Variants in CFLAR observed in about 807,000 individuals in gnomAD.
CFLAR encodes the protein CASP8 and FADD like apoptosis regulator, also known as CASP8 and FADD-like apoptosis regulator.
CFLAR carries 14 observed loss-of-function variants against 51.1 expected under a neutral mutation model. The observed-to-expected ratio is 0.27, with a 90% CI of 0.18 to 0.43. The LOEUF is 0.43. CFLAR is among the 20% of genes least tolerant of loss of function. CFLAR has a pLI of 1.00. For synonymous variants in CFLAR, 210 were observed against 211.6 expected (o/e 0.99, Z 0.06); for missense variants, 390 against 566.5 (o/e 0.69, Z 3.16).
At chr2:201,151,314 A>G (rs999268023) in intron 8 of CFLAR, 7 of 152,196 alleles carry the variant, frequency 4.6e-5, no homozygotes, top group African/African-American at 1.7e-4. Context: ...ATTCTGTTTA[A>G]TTATTTAGCT....
At chr2:201,132,436 T>A (rs370845553) in intron 2 of CFLAR, among the ~76,000 whole-genome samples, 1,973 of 148,062 alleles carry the variant, frequency 0.013, 18 homozygotes, top group Non-Finnish European at 0.017. Context: ...GAAAAATATA[T>A]ATATATATAT....
intron 4 of CFLAR, chr2:201,136,683 C>CA: frequency 1.1e-6 from 1 of 921,536 alleles, no homozygotes; most frequent in Non-Finnish European, 1.6e-6. Flanking sequence ...ACCATAGCAT[C>CA]ACAGCCTAAA....
At chr2:201,136,504 T>G (rs2050149461) in intron 4 of CFLAR, 2 of 1,571,556 alleles carry the variant, frequency 1.3e-6, no homozygotes, top group South Asian at 2.3e-5. Flanking sequence ...GTCTCATACC[T>G]TCCTTGCATG....
At position 201,167,298 on chromosome 2, in the gene CFLAR, G is replaced by C. The variant is rs1156553041; in HGVS notation, c.*3325G>C. The C allele has an allele frequency of 6.6e-6, 1 of 152,346 alleles. No homozygotes were observed. The highest frequency in any genetic ancestry group is 1.5e-5 in the Non-Finnish European group (1 of 68,334). 9.4% of individuals were successfully genotyped at this position (152,346 alleles called of 1,614,324 possible). On this transcript the variant is annotated 3_prime_UTR_variant, in exon 10 of 10. Coordinates refer to ENST00000309955, the MANE Select transcript of CFLAR (RefSeq NM_003879.7). ...GTGGACTGATCACTTGAGCCCAGGAGTTTGAGACCAGCCTGGGCAACATAG... is the reference window on the plus strand; with the variant it reads ...GTGGACTGATCACTTGAGCCCAGGACTTTGAGACCAGCCTGGGCAACATAG...
At chr2:201,139,961 C>T in intron 4 of CFLAR, 1 of 219,772 alleles carries the variant, frequency 4.6e-6, no homozygotes, top group Non-Finnish European at 9.2e-6. Flanking sequence ...GGCAACCCAC[C>T]CCTTCAGCGC....
At chr2:201,123,529 C>G (rs1354712398) in intron 1 of CFLAR, among the ~76,000 whole-genome samples, 1 of 152,108 alleles carries the variant, frequency 6.6e-6, no homozygotes, top group Non-Finnish European at 1.5e-5. Context: ...AATAAACTCC[C>G]TTTATCAGCC....
chr2:201,148,939 C>T, intron 6 of CFLAR, 64 bp from the exon 7 acceptor site: 2 of 1,038,366 alleles, frequency 1.9e-6, no homozygotes, highest in South Asian at 1.3e-5. Flanking sequence ...GAAACTCAGC[C>T]AGTGTAGGGG....
intron 1 of CFLAR, among the ~76,000 whole-genome samples, chr2:201,119,732 T>G (rs966477124): frequency 2.0e-5 from 3 of 152,094 alleles, no homozygotes; most frequent in Admixed American, 6.6e-5. Flanking sequence ...CTTCAGACAC[T>G]CTTCAGTCAA....
intron 9 of CFLAR, 46 bp downstream of exon 9, chr2:201,160,988 C>T (rs775106613): frequency 2.8e-5 from 40 of 1,417,040 alleles, no homozygotes; most frequent in East Asian, 2.1e-4. Flanking sequence ...TGCTTATTTT[C>T]GTGCCACCAG....
intron 8 of CFLAR, 65 bp from the exon 9 acceptor site, chr2:201,160,367 C>A: frequency 6.6e-7 from 1 of 1,515,922 alleles, no homozygotes; most frequent in Non-Finnish European, 8.9e-7. Flanking sequence ...AGGATTCCTA[C>A]CCAGTCCTCT....
At chr2:201,161,410 A>ATTT (rs71954106) in intron 9 of CFLAR, among the ~76,000 whole-genome samples, 1 of 104,396 alleles carries the variant, frequency 9.6e-6, no homozygotes. Context: ...AAATTTATTT[A>ATTT]TTTTTATTTA....
rs772139952 is a variant in CFLAR, at chr2:201,173,710, C to T, written c.*9737C>T. 7.1e-6 allele frequency: 1 copy of T among 140,882 alleles called. No homozygotes were observed. The highest frequency in any genetic ancestry group is 1.5e-5 in the Non-Finnish European group (1 of 67,790). 8.7% of individuals were successfully genotyped at this position (140,882 alleles called of 1,614,324 possible). A position where few individuals can be genotyped will look rare whatever the true frequency, so the allele number is the denominator to read the frequency against. ...TTTCTGAGATGGAATCTCACTCTGTCGCCCAGGTTGGAGTGCAGTGGTGCA... is the reference window on the plus strand; with the variant it reads ...TTTCTGAGATGGAATCTCACTCTGTTGCCCAGGTTGGAGTGCAGTGGTGCA... On this transcript the variant is annotated 3_prime_UTR_variant, in exon 10 of 10. Transcript: ENST00000309955.
intron 8 of CFLAR, among the ~76,000 whole-genome samples, chr2:201,159,321 T>C (rs1004960465): frequency 6.6e-6 from 1 of 151,804 alleles, no homozygotes; most frequent in African/African-American, 2.4e-5. Context: ...AATTAATTTT[T>C]TTTTTTGAGA....
intron 1 of CFLAR, among the ~76,000 whole-genome samples, chr2:201,121,841 A>ATATC (rs1311513604): frequency 6.6e-6 from 1 of 152,228 alleles, no homozygotes; most frequent in Non-Finnish European, 1.5e-5. Context: ...CATGATTGAT[A>ATATC]GTATGCTATT....
At position 201,164,296 on chromosome 2, in the gene CFLAR, A is replaced by C; in HGVS notation, c.*323A>C. ...ATCTCTTTAAAAAAAAAAAAAAAGG[A>C]CAGGAACTATCTTACTCAATGTATT... is the stretch of plus-strand genomic sequence containing the variant. On this transcript the variant is annotated 3_prime_UTR_variant, in exon 10 of 10. Transcript: ENST00000309955. The C allele has an allele frequency of 5.4e-6, 1 of 185,602 alleles. No individual in the cohort carries two copies. The highest frequency in any genetic ancestry group is 1.1e-5 in the Non-Finnish European group (1 of 88,216). 11.5% of individuals were successfully genotyped at this position (185,602 alleles called of 1,614,324 possible).
chr2:201,116,564 G>C lies in CFLAR; in HGVS notation c.-138+83G>C, dbSNP rs1230855963. 3 of 153,418 alleles carry C rather than the reference G, an allele frequency of 2.0e-5. No homozygotes were observed. The Admixed American group carries it at 2.0e-4, about 10-fold the overall frequency. The allele number at this position is 153,418 out of a possible 1,614,324, so 9.5% of individuals were successfully genotyped here. A position where few individuals can be genotyped will look rare whatever the true frequency, so the allele number is the denominator to read the frequency against. On this transcript the variant is annotated intron_variant, in intron 1 of 9. Transcript: ENST00000309955. The surrounding 1 kb of genome is among the most constrained non-coding windows in gnomAD (Gnocchi z 4.8). The stretch of plus-strand genomic sequence containing the variant: ...AGCCCCGACGCCCGGCCCTGAGTCA[G>C]CATTGCAGCAGGCCCTGCGCCGCCG...
At chr2:201,156,879 T>C (rs1284189891) in intron 8 of CFLAR, among the ~76,000 whole-genome samples, 1 of 152,120 alleles carries the variant, frequency 6.6e-6, no homozygotes, top group Non-Finnish European at 1.5e-5. Flanking sequence ...AGCCCCCAAG[T>C]TTTTCTTCCT....
In CFLAR at chr2:201,149,249, T is replaced by C. The variant is rs576980381; in HGVS notation, c.711+197T>C. The C allele has an allele frequency of 6.2e-6, 3 of 486,324 alleles. No homozygotes were observed. In the South Asian group the frequency reaches 7.6e-5, roughly 12 times the overall value. 30.1% of individuals were successfully genotyped at this position (486,324 alleles called of 1,614,324 possible). ...TAAAGTGGATTGCATTAGTGAACTT[T>C]GGAATGCAGGGAAGTTCCAAAGTAG... On this transcript the variant is annotated intron_variant, in intron 7 of 9. Coordinates refer to ENST00000309955, the MANE Select transcript of CFLAR (RefSeq NM_003879.7).
Position 201,145,442 on chromosome 2 carries a change from C to A in CFLAR, c.661+10C>A. 6.4e-7 allele frequency: 1 copy of A among 1,562,088 alleles called. No individual in the cohort carries two copies. Among genetic ancestry groups the A allele is most frequent in the Non-Finnish European group, 8.8e-7 (1 of 1,135,812 alleles). On this transcript the variant is annotated intron_variant, in intron 6 of 9. Transcript: ENST00000309955. ...CAGCTTGGCGCTCAACGTAAGACCA[C>A]CTTTTTTTAATATTCATTATTTATA...
Sources: gnomAD v4.1 joint callset for allele counts (sites outside exome capture counted in the v4.1 genomes callset) on GRCh38, gnomAD v4.1.1 for gene constraint, Gnocchi (gnomAD v3.1) non-coding constraint, MANE v1.5 for transcripts, NCBI Gene and HGNC (gene_info 2026-07-23, HGNC 2026-07-21) for gene names.